The following ASPH variants were observed in gnomAD, a reference collection of about 807,000 sequenced individuals.
ASPH encodes aspartate beta-hydroxylase, also known as aspartyl/asparaginyl beta-hydroxylase.
A neutral mutation model predicts 118.4 loss-of-function variants in ASPH; 100 were observed. The ratio of observed to expected loss-of-function variants is 0.84; its 90% confidence interval spans 0.72 to 1.00. The LOEUF is 1.00. Among genes scored for constraint, ASPH ranks in the 50% least tolerant of loss-of-function variants. The pLI is 0.00. For missense variants in ASPH, 920 were observed against 919.5 expected (o/e 1.00, Z -0.01); for synonymous variants, 315 against 325.6 (o/e 0.97, Z 0.35).
chr8:61,665,262 T>C, intron 3 of ASPH: 1 of 1,591,462 alleles, frequency 6.3e-7, no homozygotes, highest in Non-Finnish European at 8.5e-7. Flanking sequence ...TAGCCGTTTC[T>C]TTTCTGGGTA....
intron 19 of ASPH, 79 bp from the exon 20 acceptor site, chr8:61,553,199 T>C: frequency 1.2e-5 from 13 of 1,125,804 alleles, no homozygotes; most frequent in Admixed American, 2.1e-5. Context: ...GCTTTTCTTA[T>C]GGCACATCGT....
At chr8:61,573,399 A>G (rs1006864030) in intron 16 of ASPH, among the ~76,000 whole-genome samples, 3 of 152,324 alleles carry the variant, frequency 2.0e-5, no homozygotes, top group Admixed American at 6.5e-5. Context: ...AGAGCCATAT[A>G]GCCAAGACAA....
intron 24 of ASPH, among the ~76,000 whole-genome samples, chr8:61,510,065 T>C (rs942704760): frequency 2.6e-4 from 40 of 152,122 alleles, no homozygotes; most frequent in African/African-American, 9.7e-4. Context: ...AGGACAGAAG[T>C]CTCCATTTCT....
At chr8:61,619,089 A>G in intron 13 of ASPH, 70 bp from the exon 14 acceptor site, 3 of 1,086,334 alleles carry the variant, frequency 2.8e-6, no homozygotes, top group Non-Finnish European at 4.1e-6. Flanking sequence ...ATATAGGACA[A>G]TATTTAAATG....
chr8:61,615,666 G>A (rs1247183546), intron 14 of ASPH, among the ~76,000 whole-genome samples: 2 of 152,140 alleles, frequency 1.3e-5, no homozygotes, highest in African/African-American at 4.8e-5. Flanking sequence ...TGTGACCATG[G>A]GCTATGGAAT....
intron 21 of ASPH, among the ~76,000 whole-genome samples, chr8:61,541,243 A>C (rs907286919): frequency 3.9e-5 from 6 of 152,202 alleles, no homozygotes; most frequent in African/African-American, 1.4e-4. Context: ...GGGCACCTGT[A>C]GTCCCAGCTA....
At chr8:61,573,286 C>A (rs181032542) in intron 16 of ASPH, among the ~76,000 whole-genome samples, 7 of 152,286 alleles carry the variant, frequency 4.6e-5, no homozygotes, top group African/African-American at 1.7e-4. Context: ...GGCCATAGTG[C>A]CCAAAGTAAT....
intron 24 of ASPH, among the ~76,000 whole-genome samples, chr8:61,504,530 TA>T (rs1419004726): frequency 6.6e-6 from 1 of 152,160 alleles, no homozygotes; most frequent in African/African-American, 2.4e-5. Context: ...GATTAACTAA[TA>T]TAAACTGAGC....
At chr8:61,682,996 T>C (rs1163397891) in intron 2 of ASPH, among the ~76,000 whole-genome samples, 1 of 152,100 alleles carries the variant, frequency 6.6e-6, no homozygotes, top group African/African-American at 2.4e-5. Flanking sequence ...AACCAAAATG[T>C]GGTGTGCCCA....
At chr8:61,579,668 G>C (rs1408281642) in intron 15 of ASPH, 21 of 1,423,148 alleles carry the variant, frequency 1.5e-5, no homozygotes, top group Non-Finnish European at 2.0e-5. Flanking sequence ...TCCTGCCCAA[G>C]TGAACAGCTG....
chr8:61,572,532 C>T (rs1338502692), intron 16 of ASPH, among the ~76,000 whole-genome samples: 1 of 152,146 alleles, frequency 6.6e-6, no homozygotes, highest in Non-Finnish European at 1.5e-5. Flanking sequence ...TGGCATTATC[C>T]TCCACTCAGC....
Position 61,634,628 on chromosome 8 carries a change from T to C in ASPH, c.890-901A>G, listed in dbSNP as rs570236712. ...CCACTGTTAGTATCTGGCAATATTTTCTTCTTATAACAGCAGTACAGTGAC... is the reference window on the plus strand; with the variant it reads ...CCACTGTTAGTATCTGGCAATATTTCCTTCTTATAACAGCAGTACAGTGAC... On this transcript the variant is annotated intron_variant, in intron 12 of 24. Coordinates refer to ENST00000379454, the MANE Select transcript of ASPH (RefSeq NM_004318.4). Among the ~76,000 whole-genome samples the C allele has an allele frequency of 5.9e-5, 9 of 152,332 alleles. No individual in the cohort carries two copies. In the South Asian group the frequency reaches 1.9e-3, roughly 32 times the overall value.
chr8:61,574,763 G>T (rs915470480), intron 16 of ASPH, among the ~76,000 whole-genome samples: 1 of 152,146 alleles, frequency 6.6e-6, no homozygotes, highest in African/African-American at 2.4e-5. Context: ...GTTGATGGGT[G>T]CAGCAAACCA....
chr8:61,553,154 A>T (rs1826616647), intron 19 of ASPH, 34 bp from the exon 20 acceptor site: 2 of 1,478,304 alleles, frequency 1.4e-6, no homozygotes, highest in Admixed American at 1.7e-5. Flanking sequence ...TGGGTAAAAT[A>T]ATTAAATACC....
chr8:61,706,457 G>GAAGGAGGAAGAGGAAGAGGAA, intron 1 of ASPH, among the ~76,000 whole-genome samples: 1 of 126,996 alleles, frequency 7.9e-6, no homozygotes, highest in African/African-American at 3.2e-5. Flanking sequence ...AGAAGAAGAA[G>GAAGGAGGAAGAGGAAGAGGAA]GAGGAAGAGG....
chr8:61,573,786 T>C (rs958339246), intron 16 of ASPH, among the ~76,000 whole-genome samples: 2 of 152,068 alleles, frequency 1.3e-5, no homozygotes, highest in African/African-American at 2.4e-5. Flanking sequence ...GATACAGGCA[T>C]GGGCAAAGAC....
chr8:61,633,845 A>C (rs1196404334), intron 12 of ASPH, 118 bp from the exon 13 acceptor site: 4 of 678,526 alleles, frequency 5.9e-6, no homozygotes, highest in Non-Finnish European at 9.3e-6. Flanking sequence ...AATTCAATTG[A>C]AATTTTAATA....
chr8:61,702,280 CT>C (rs71257379), intron 1 of ASPH, among the ~76,000 whole-genome samples: 1,343 of 123,266 alleles, frequency 0.011, 6 homozygotes, highest in African/African-American at 0.035. Flanking sequence ...ATAGCTACTT[CT>C]TTTTTTTTTT....
At chr8:61,655,714 T>C (rs1045227564) in intron 3 of ASPH, among the ~76,000 whole-genome samples, 3 of 152,074 alleles carry the variant, frequency 2.0e-5, no homozygotes, top group Non-Finnish European at 4.4e-5. Flanking sequence ...AAAATTGAAA[T>C]TGCAAAACAT....
Sources: allele counts gnomAD v4.1 joint callset (sites outside exome capture counted in the v4.1 genomes callset), GRCh38; gene constraint gnomAD v4.1.1; transcripts MANE v1.5; gene names NCBI Gene and HGNC (gene_info 2026-07-23, HGNC 2026-07-21).